A3GALT2: variants seen among roughly 807,000 people sequenced by gnomAD.
A3GALT2 encodes the protein alpha-1,3-galactosyltransferase 2.
Under a neutral mutation model 16.6 loss-of-function variants are expected in A3GALT2, and 14 were observed. The observed-to-expected ratio is 0.84, with a 90% CI of 0.56 to 1.32. A3GALT2 has a LOEUF of 1.32. Among genes scored for constraint, A3GALT2 ranks in the 40% most tolerant of loss-of-function variants. A3GALT2 has a pLI of 0.00. For missense variants in A3GALT2, 600 were observed against 490.9 expected, an observed-to-expected ratio of 1.22 and a Z score of -2.10; for synonymous variants, 253 against 218.0, an observed-to-expected ratio of 1.16 and a Z score of -1.42.
Position 33,307,330 on chromosome 1 carries a change from G to T in A3GALT2, c.459C>A (p.Gly153=). The T allele has an allele frequency of 3.3e-6, 5 of 1,529,074 alleles. No homozygotes were observed. The highest frequency in any genetic ancestry group is 3.5e-6 in the Non-Finnish European group (4 of 1,146,574). 94.7% of individuals were successfully genotyped at this position (1,529,074 alleles called of 1,614,324 possible). A position where few individuals can be genotyped will look rare whatever the true frequency, so the allele number is the denominator to read the frequency against. ...LPGAVPRVAL[G]PGRRLPVERV... is the part of the protein sequence containing the mutation. ...GCTCCACGGGCAGCCGGCGTCCCGG[G>T]CCCAGCGCCACGCGGGGCACCGCTC... The change falls in exon 5 of 5, where the codon GGC becomes GGA. Residue 153 remains glycine, a synonymous_variant. Transcript: ENST00000442999.
rs372318855 is a variant in A3GALT2, at chr1:33,312,562, C to T, written c.136G>A (p.Val46Ile). The change falls in exon 3 of 5, where the codon GTC (valine) becomes ATC (isoleucine). Residue 46 changes from valine (V) to isoleucine (I), a missense_variant. Coordinates refer to ENST00000442999, the MANE Select transcript of A3GALT2 (RefSeq NM_001080438.1). ...TGGGACATTGTGGCCGAAGGGCAGACGCCCATGGGGATGAGGGCTTCCAGA... is the reference window on the plus strand; with the variant it reads ...TGGGACATTGTGGCCGAAGGGCAGATGCCCATGGGGATGAGGGCTTCCAGA... Reference protein sequence around the residue: ...RHLEALIPMGVCPSATMSQLR... With the variant: ...RHLEALIPMGICPSATMSQLR... The T allele has an allele frequency of 1.7e-4, 280 of 1,600,264 alleles. No homozygotes were observed. Among genetic ancestry groups the T allele is most frequent in the Non-Finnish European group, 2.1e-4 (252 of 1,172,752 alleles).
rs773005963 is a variant in A3GALT2, at chr1:33,312,908, G to A, written c.24-18C>T. On this transcript the variant is annotated intron_variant, in intron 1 of 4. Coordinates refer to ENST00000442999, the MANE Select transcript of A3GALT2 (RefSeq NM_001080438.1). ...TCCAGGCCCTGGGGGCGGGAGGGGG[G>A]CATCAGTAACTCATTTATATGTATA... 2 of 1,580,138 alleles carry A rather than the reference G, an allele frequency of 1.3e-6. No homozygotes were observed. The highest frequency in any genetic ancestry group is 1.1e-5 in the South Asian group (1 of 87,462).
chr1:33,315,902 C>T (rs182160853), intron 1 of A3GALT2, among the ~76,000 whole-genome samples: 27 of 151,980 alleles, frequency 1.8e-4, no homozygotes, highest in Non-Finnish European at 3.5e-4. Flanking sequence ...CTTCAGGGTG[C>T]GGAGTCAGGA....
At position 33,320,479 on chromosome 1, in the gene A3GALT2, C is replaced by T. The variant is rs1214786257; in HGVS notation, c.23+597G>A. 2.6e-5 allele frequency among the ~76,000 whole-genome samples: 4 copies of T among 151,924 alleles called. No homozygotes were observed. The highest frequency in any genetic ancestry group is 5.9e-5 in the Non-Finnish European group (4 of 67,994). On this transcript the variant is annotated intron_variant, in intron 1 of 4. Coordinates refer to ENST00000442999, the MANE Select transcript of A3GALT2 (RefSeq NM_001080438.1). This position sits in a 1 kb window ranked among gnomAD's most constrained non-coding sequence, Gnocchi z 4.3. Reference sequence around the variant, plus strand: ...TGCTGAGACCCAGGACTGGGTGGGACCCACCAGCTCCTCCTGCCCCTCCTA... The same window carrying T: ...TGCTGAGACCCAGGACTGGGTGGGATCCACCAGCTCCTCCTGCCCCTCCTA...
At chr1:33,307,499 GC>G in intron 4 of A3GALT2, 46 bp from the exon 5 acceptor site, 1 of 1,406,448 alleles carries the variant, frequency 7.1e-7, no homozygotes, top group Non-Finnish European at 9.2e-7. Context: ...AGCGAGGCGG[GC>G]CCGGCCTCCC....
Position 33,306,791 on chromosome 1 carries a change from T to C in A3GALT2, c.998A>G (p.Lys333Arg), listed in dbSNP as rs1646194215. The C allele has an allele frequency of 7.0e-7, 1 of 1,435,108 alleles. No homozygotes were observed. The highest frequency in any genetic ancestry group is 9.1e-7 in the Non-Finnish European group (1 of 1,102,792). The allele number at this position is 1,435,108 out of a possible 1,614,324, so 88.9% of individuals were successfully genotyped here. A position where few individuals can be genotyped will look rare whatever the true frequency, so the allele number is the denominator to read the frequency against. ...IRRPRLLWAP[K>R]GYRLLRN Reference sequence around the variant, plus strand: ...CTAGTTCCGCAGCAGCCGGTACCCCTTGGGCGCCCACAGCAGTCGCGGGCG... The same window carrying C: ...CTAGTTCCGCAGCAGCCGGTACCCCCTGGGCGCCCACAGCAGTCGCGGGCG... Residue 333 changes from lysine (K) to arginine (R), a missense_variant, in exon 5 of 5, where the codon AAG becomes AGG. By Grantham distance (26) the Lys-to-Arg change is conservative. Coordinates refer to ENST00000442999, the MANE Select transcript of A3GALT2 (RefSeq NM_001080438.1).
In A3GALT2 at chr1:33,310,085, C is replaced by A. The variant is rs56178132; in HGVS notation, c.335+1967G>T. Among the ~76,000 whole-genome samples the A allele has an allele frequency of 6.6e-5, 10 of 152,376 alleles. No individual in the cohort carries two copies. The East Asian group carries it at 1.9e-3, about 29-fold the overall frequency. On this transcript the variant is annotated intron_variant, in intron 4 of 4. Coordinates refer to ENST00000442999, the MANE Select transcript of A3GALT2 (RefSeq NM_001080438.1). ...GGGAGGCCGAGGCGGGCAGATCACT[C>A]GCAGTCAGGAGCTGGAGACCAGCCC...
chr1:33,307,102 C>T lies in A3GALT2; in HGVS notation c.687G>A (p.Ser229=). 1 of 1,529,708 alleles carries T rather than the reference C, an allele frequency of 6.5e-7. No homozygotes were observed. Among genetic ancestry groups the T allele is most frequent in the Non-Finnish European group, 8.8e-7 (1 of 1,140,670 alleles). 94.8% of individuals were successfully genotyped at this position (1,529,708 alleles called of 1,614,324 possible). ...CGTCGCGTTCGAAGGGCAGCAGCCACGACGGCCAGTGGTAGTGCCAGGAGT... is the reference window on the plus strand; with the variant it reads ...CGTCGCGTTCGAAGGGCAGCAGCCATGACGGCCAGTGGTAGTGCCAGGAGT... ...QLHSWHYHWP[S]WLLPFERDAH... is the part of the protein sequence containing the mutation. The change falls in exon 5 of 5, where the codon TCG becomes TCA. Residue 229 remains serine (S), a synonymous_variant. Coordinates refer to ENST00000442999, the MANE Select transcript of A3GALT2 (RefSeq NM_001080438.1).
intron 1 of A3GALT2, among the ~76,000 whole-genome samples, chr1:33,317,056 CTT>C (rs1402123750): frequency 4.6e-5 from 7 of 152,112 alleles, no homozygotes; most frequent in African/African-American, 1.4e-4. Context: ...ACAAGCGAGA[CTT>C]GAGCTTGGTT....
At chr1:33,314,882 T>G (rs1049533244) in intron 1 of A3GALT2, 1 of 152,150 alleles carries the variant, frequency 6.6e-6, no homozygotes, top group Non-Finnish European at 1.5e-5. Context: ...ATGTTCACCC[T>G]CACTGGCAAT....
At chr1:33,313,174 A>ATTT in intron 1 of A3GALT2, 4 of 6,506 alleles carry the variant, frequency 6.1e-4, no homozygotes, top group Middle Eastern at 0.5. Context: ...TCAGTGACGG[A>ATTT]GTTTTTTTTT....
intron 4 of A3GALT2, among the ~76,000 whole-genome samples, chr1:33,311,293 T>G (rs1414708200): frequency 6.6e-6 from 1 of 152,114 alleles, no homozygotes; most frequent in Non-Finnish European, 1.5e-5. Flanking sequence ...CCTCCTTTCC[T>G]GTAGTGATTT....
chr1:33,316,435 C>G (rs1646262439), intron 1 of A3GALT2, among the ~76,000 whole-genome samples: 1 of 152,110 alleles, frequency 6.6e-6, no homozygotes, highest in Non-Finnish European at 1.5e-5. Context: ...AAAAACAAAA[C>G]AAAACAAAAC....
chr1:33,307,588 CTCACCCCCACCT>C, intron 4 of A3GALT2, 135 bp from the exon 5 acceptor site: 1 of 495,026 alleles, frequency 2.0e-6, no homozygotes, highest in Non-Finnish European at 3.1e-6. Flanking sequence ...CCACCCCACC[CTCACCCCCACCT>C]CATCCCACCC....
chr1:33,312,773 T>G (rs1646241703), intron 2 of A3GALT2, 34 bp downstream of exon 2: 1 of 1,568,760 alleles, frequency 6.4e-7, no homozygotes, highest in Admixed American at 1.9e-5. Flanking sequence ...CTGACTGTGG[T>G]CCTACCTCAA....
intron 4 of A3GALT2, among the ~76,000 whole-genome samples, chr1:33,310,052 G>A (rs1477993384): frequency 6.6e-6 from 1 of 152,240 alleles, no homozygotes; most frequent in Non-Finnish European, 1.5e-5. Flanking sequence ...CTGCAATCCC[G>A]GCACCTCGGG....
At chr1:33,316,138 A>G (rs1570428723) in intron 1 of A3GALT2, among the ~76,000 whole-genome samples, 1 of 152,306 alleles carries the variant, frequency 6.6e-6, no homozygotes, top group East Asian at 1.9e-4. Context: ...AAAATTATTA[A>G]TAGAAGTTCT....
intron 4 of A3GALT2, among the ~76,000 whole-genome samples, chr1:33,308,561 C>G (rs1007288385): frequency 6.6e-6 from 1 of 151,856 alleles, no homozygotes; most frequent in Non-Finnish European, 1.5e-5. Flanking sequence ...GCCACCACCA[C>G]GCCCGGCCAA....
In A3GALT2 at chr1:33,320,157, G is replaced by A. The variant is rs1646279131; in HGVS notation, c.23+919C>T. Among the ~76,000 whole-genome samples, 1 of 151,958 alleles carries A rather than the reference G, an allele frequency of 6.6e-6. No homozygotes were observed. The highest frequency in any genetic ancestry group is 2.4e-5 in the African/African-American group (1 of 41,418). On this transcript the variant is annotated intron_variant, in intron 1 of 4. Transcript: ENST00000442999. This position sits in a 1 kb window ranked among gnomAD's most constrained non-coding sequence, Gnocchi z 4.3. ...CAGCTCCTGTCTGAGCTCCTGGAGG[G>A]CTGGCTGCAGCTGGGCTTCTCTGGT...
Sources: allele counts gnomAD v4.1 joint callset (sites outside exome capture counted in the v4.1 genomes callset), GRCh38; gene constraint gnomAD v4.1.1; non-coding constraint Gnocchi (gnomAD v3.1); transcripts MANE v1.5; gene names NCBI Gene and HGNC (gene_info 2026-07-23, HGNC 2026-07-21).